Variants in ETV6 observed in about 807,000 individuals in gnomAD.
ETV6 encodes the protein ETS variant transcription factor 6, also known as transcription factor ETV6.
Under a neutral mutation model 51.1 loss-of-function variants are expected in ETV6, and 16 were observed. That is an observed-to-expected ratio of 0.31 (90% confidence interval 0.21 to 0.48). ETV6 has a LOEUF of 0.48. Ranked by LOEUF, ETV6 falls within the 20% of genes least tolerant of loss-of-function variation. The pLI, the probability that ETV6 is intolerant of heterozygous loss-of-function variation, is 0.99. For missense variants in ETV6, 458 were observed against 594.8 expected (o/e 0.77, Z 2.39); for synonymous variants, 240 against 224.1 (o/e 1.07, Z -0.64).
At chr12:11,726,293 C>T (rs1025529073) in intron 1 of ETV6, among the ~76,000 whole-genome samples, 3 of 152,170 alleles carry the variant, frequency 2.0e-5, no homozygotes, top group Admixed American at 1.3e-4. Context: ...TCAGAACCCA[C>T]AGTCATTTCC....
intron 2 of ETV6, among the ~76,000 whole-genome samples, chr12:11,801,954 T>G (rs1479381651): frequency 6.6e-6 from 1 of 152,222 alleles, no homozygotes. Flanking sequence ...CAAGCCCTGT[T>G]GATACTCACG....
At chr12:11,872,984 C>T (rs1479529032) in intron 5 of ETV6, among the ~76,000 whole-genome samples, 1 of 152,110 alleles carries the variant, frequency 6.6e-6, no homozygotes, top group Non-Finnish European at 1.5e-5. Flanking sequence ...TCTAGGAAGT[C>T]AAGAATATTC....
At chr12:11,787,432 T>G (rs1344655039) in intron 2 of ETV6, among the ~76,000 whole-genome samples, 1 of 152,248 alleles carries the variant, frequency 6.6e-6, no homozygotes, top group Admixed American at 6.5e-5. Flanking sequence ...TTTCAATACA[T>G]TGGGTTATAT....
rs565254791 is a variant in ETV6 at position 11,783,216 on chromosome 12, A to G, written c.163+30637A>G. Among the ~76,000 whole-genome samples the G allele has an allele frequency of 2.6e-5, 4 of 152,274 alleles. No individual in the cohort carries two copies. In the East Asian group the frequency reaches 5.8e-4, roughly 22 times the overall value. On this transcript the variant is annotated intron_variant, in intron 2 of 7. Coordinates refer to ENST00000396373, the MANE Select transcript of ETV6 (RefSeq NM_001987.5). The stretch of plus-strand genomic sequence containing the variant: ...GTGGCAAGACGAGAAGGAAGAGCCT[A>G]TAAGAGGGCTCCCCAGAGAGACAGG...
At chr12:11,719,919 G>C (rs1370204458) in intron 1 of ETV6, among the ~76,000 whole-genome samples, 1 of 152,180 alleles carries the variant, frequency 6.6e-6, no homozygotes, top group East Asian at 1.9e-4. Context: ...TGCTGTCTGG[G>C]CTCCGGCACA....
At chr12:11,689,368 A>G (rs1368676337) in intron 1 of ETV6, among the ~76,000 whole-genome samples, 1 of 152,184 alleles carries the variant, frequency 6.6e-6, no homozygotes, top group East Asian at 1.9e-4. Flanking sequence ...AGACCTGACC[A>G]CTGCTTCTCT....
chr12:11,667,459 A>G (rs1864215461), intron 1 of ETV6, among the ~76,000 whole-genome samples: 2 of 152,130 alleles, frequency 1.3e-5, no homozygotes, highest in African/African-American at 2.4e-5. Flanking sequence ...TCTGGAGACT[A>G]TCCGCCATTT....
At chr12:11,689,356 T>C (rs1386286490) in intron 1 of ETV6, among the ~76,000 whole-genome samples, 1 of 152,178 alleles carries the variant, frequency 6.6e-6, no homozygotes, top group Admixed American at 6.5e-5. Flanking sequence ...GGAGTGGGGC[T>C]CAGACCTGAC....
At chr12:11,744,839 T>G (rs987366524) in intron 1 of ETV6, among the ~76,000 whole-genome samples, 3 of 151,928 alleles carry the variant, frequency 2.0e-5, no homozygotes, top group African/African-American at 7.3e-5. Flanking sequence ...AACCACAGCC[T>G]GACGTGACAA....
At chr12:11,842,182 A>G (rs1220380568) in intron 3 of ETV6, among the ~76,000 whole-genome samples, 1 of 152,012 alleles carries the variant, frequency 6.6e-6, no homozygotes, top group Non-Finnish European at 1.5e-5. Context: ...CCTTTGAAAC[A>G]TGGTCGAACA....
chr12:11,833,627 C>T (rs558978583), intron 2 of ETV6, among the ~76,000 whole-genome samples: 10 of 152,294 alleles, frequency 6.6e-5, no homozygotes, highest in South Asian at 6.2e-4. Flanking sequence ...TTGGGCAAGT[C>T]GTTTAACTTC....
intron 2 of ETV6, among the ~76,000 whole-genome samples, chr12:11,836,850 C>A (rs531608292): frequency 1.3e-5 from 2 of 152,210 alleles, no homozygotes; most frequent in Non-Finnish European, 1.5e-5. Context: ...TCTGCCTGAG[C>A]ATCTTCTGCT....
chr12:11,715,596 C>G (rs1865258950), intron 1 of ETV6, among the ~76,000 whole-genome samples: 1 of 152,246 alleles, frequency 6.6e-6, no homozygotes, highest in Admixed American at 6.5e-5. Context: ...CCATCTACTC[C>G]TCTGCCCTGC....
At chr12:11,674,615 TTGTGTGTGTGTGTGTGTGTGTGTG>T (rs5796457) in intron 1 of ETV6, among the ~76,000 whole-genome samples, 2 of 133,162 alleles carry the variant, frequency 1.5e-5, no homozygotes, top group Admixed American at 7.5e-5. Flanking sequence ...TAGGGGTTAT[TTGTGTGTGTGTGTGTGTGTGTGTG>T]TGTGTGTGTG....
chr12:11,890,115 T>C (rs1205643882), intron 7 of ETV6, among the ~76,000 whole-genome samples: 3 of 146,080 alleles, frequency 2.1e-5, no homozygotes, highest in Admixed American at 7.1e-5. Context: ...AGTGATAACA[T>C]TGTAAAAGAT....
At chr12:11,664,112 A>C (rs780324704) in intron 1 of ETV6, among the ~76,000 whole-genome samples, 1 of 152,180 alleles carries the variant, frequency 6.6e-6, no homozygotes, top group Non-Finnish European at 1.5e-5. Context: ...GTCTGGTCAT[A>C]TTTGAACTTC....
At chr12:11,817,314 GT>G (rs1946008004) in intron 2 of ETV6, among the ~76,000 whole-genome samples, 1 of 152,068 alleles carries the variant, frequency 6.6e-6, no homozygotes, top group Non-Finnish European at 1.5e-5. Flanking sequence ...ACTTATTCTC[GT>G]AGAAGCAAAA....
rs957099341 is a variant in ETV6 at position 11,892,293 on chromosome 12, G to A, written c.*1247G>A. On this transcript the variant is annotated 3_prime_UTR_variant, in exon 8 of 8. Transcript: ENST00000396373. ...CACTGGACACAGAGCTTTGGAGACGGAGGATCCCAGAGGGCAGTCTCAGTT... is the reference window on the plus strand; with the variant it reads ...CACTGGACACAGAGCTTTGGAGACGAAGGATCCCAGAGGGCAGTCTCAGTT... 1 of 230,386 alleles carries A rather than the reference G, an allele frequency of 4.3e-6. No homozygotes were observed. Among genetic ancestry groups the A allele is most frequent in the Non-Finnish European group, 8.5e-6 (1 of 117,654 alleles). 14.3% of individuals were successfully genotyped at this position (230,386 alleles called of 1,614,324 possible).
chr12:11,756,722 G>A (rs186026164), intron 2 of ETV6, among the ~76,000 whole-genome samples: 1 of 152,214 alleles, frequency 6.6e-6, no homozygotes, highest in African/African-American at 2.4e-5. Flanking sequence ...AACTCATGGG[G>A]GAGTGGCTGC....
Sources: allele counts gnomAD v4.1 joint callset (sites outside exome capture counted in the v4.1 genomes callset), GRCh38; gene constraint gnomAD v4.1.1; transcripts MANE v1.5; gene names NCBI Gene and HGNC (gene_info 2026-07-23, HGNC 2026-07-21).